Variants in LOXL2 observed in about 807,000 individuals in gnomAD.
LOXL2 encodes lysyl oxidase homolog 2.
In LOXL2, 70 loss-of-function variants were observed where a neutral mutation model predicts 93.0. That is an observed-to-expected ratio of 0.75 (90% CI 0.62 to 0.92). LOXL2 has a LOEUF of 0.92. LOXL2 is among the 40% of genes least tolerant of loss of function. LOXL2 has a pLI of 0.00. For missense variants in LOXL2, 973 were observed against 1,054.9 expected (o/e 0.92, Z 1.08); for synonymous variants, 438 against 413.2 (o/e 1.06, Z -0.73).
intron 1 of LOXL2, chr8:23,371,046 T>C (rs1804485291): frequency 6.6e-6 from 1 of 151,790 alleles, no homozygotes. Flanking sequence ...GAAAGAAAAA[T>C]CTTAAACACA....
intron 3 of LOXL2, among the ~76,000 whole-genome samples, chr8:23,348,063 A>C (rs899301821): frequency 6.6e-6 from 1 of 152,182 alleles, no homozygotes; most frequent in African/African-American, 2.4e-5. Flanking sequence ...ACACCATGGA[A>C]TACTGTGCAG....
chr8:23,345,724 C>A (rs530011725), intron 3 of LOXL2, among the ~76,000 whole-genome samples: 451 of 130,502 alleles, frequency 3.5e-3, no homozygotes, highest in African/African-American at 0.011. Context: ...AAAATATACA[C>A]ACACTTTTTT....
chr8:23,355,306 A>C (rs1804175947), intron 3 of LOXL2, among the ~76,000 whole-genome samples: 1 of 131,758 alleles, frequency 7.6e-6, no homozygotes, highest in Non-Finnish European at 1.7e-5. Context: ...TTTGAAGAGA[A>C]CCATCTCCCC....
At position 23,390,148 on chromosome 8, in the gene LOXL2, G is replaced by C. The variant is rs567697784; in HGVS notation, c.-84+13806C>G. Among the ~76,000 whole-genome samples the C allele has an allele frequency of 1.3e-4, 20 of 152,312 alleles. No individual in the cohort carries two copies. In the South Asian group the frequency reaches 4.1e-3, roughly 32 times the overall value. On this transcript the variant is annotated intron_variant, in intron 1 of 13. Transcript: ENST00000389131. Reference sequence around the variant, plus strand: ...CTGGGATTCCTGCTTGGACCAACAGGAGAGATGAATGGTCCTCATTCATGG... The same window carrying C: ...CTGGGATTCCTGCTTGGACCAACAGCAGAGATGAATGGTCCTCATTCATGG...
In LOXL2 at chr8:23,333,597, C is replaced by T. The variant is rs139417842; in HGVS notation, c.770G>A (p.Arg257His). 1.8e-4 allele frequency: 284 copies of T among 1,613,426 alleles called. 1 individual carries two copies. Among genetic ancestry groups the T allele is most frequent in the African/African-American group, 9.2e-4 (69 of 75,046 alleles). ...GCAGTCCATGGAGAATGGCCAGTAG[C>T]GCTGCTTCCTCCGTGAGGCAAACAT... is the stretch of plus-strand genomic sequence containing the variant. ...YKMFASRRKQ[R>H]YWPFSMDCTG... is the part of the protein sequence containing the mutation. The change falls in exon 5 of 14, where the codon CGC becomes CAC. Residue 257 changes from arginine (R) to histidine (H), a missense_variant. Coordinates refer to ENST00000389131, the MANE Select transcript of LOXL2 (RefSeq NM_002318.3).
In LOXL2 at chr8:23,382,105, A is replaced by G. The variant is rs183672260; in HGVS notation, c.-83-13671T>C. Among the ~76,000 whole-genome samples the G allele has an allele frequency of 5.9e-5, 9 of 152,350 alleles. No individual in the cohort carries two copies. The East Asian group carries it at 1.7e-3, about 29-fold the overall frequency. ...CAAAGGAGCTGGAATGAGCACAGGC[A>G]GAAGTTCTGAAATTATAGTTCGGTT... On this transcript the variant is annotated intron_variant, in intron 1 of 13. Coordinates refer to ENST00000389131, the MANE Select transcript of LOXL2 (RefSeq NM_002318.3).
intron 1 of LOXL2, among the ~76,000 whole-genome samples, chr8:23,378,672 C>T (rs1301552548): frequency 3.3e-5 from 5 of 152,288 alleles, no homozygotes; most frequent in East Asian, 1.9e-4. Context: ...CTTCTCTTCT[C>T]GCTTCATTTC....
intron 4 of LOXL2, among the ~76,000 whole-genome samples, chr8:23,339,170 C>T (rs370226653): frequency 1.1e-4 from 17 of 152,250 alleles, no homozygotes; most frequent in Admixed American, 5.2e-4. Context: ...GTCCCAGAGA[C>T]GAACACAAAA....
intron 9 of LOXL2, among the ~76,000 whole-genome samples, chr8:23,311,159 C>T (rs1401284397): frequency 6.6e-6 from 1 of 152,198 alleles, no homozygotes; most frequent in East Asian, 1.9e-4. Flanking sequence ...CCCTTCTCCC[C>T]CTCCCCCTCC....
At chr8:23,371,683 T>C (rs200750533) in intron 1 of LOXL2, among the ~76,000 whole-genome samples, 1 of 123,820 alleles carries the variant, frequency 8.1e-6, no homozygotes, top group Non-Finnish European at 1.6e-5. Flanking sequence ...ACCCAGGAGG[T>C]GGAGGTTGCA....
chr8:23,362,953 C>T (rs1212829604), intron 2 of LOXL2, among the ~76,000 whole-genome samples: 1 of 152,152 alleles, frequency 6.6e-6, no homozygotes, highest in Non-Finnish European at 1.5e-5. Flanking sequence ...GTTCAAGTTC[C>T]ATCTGCCACA....
intron 5 of LOXL2, among the ~76,000 whole-genome samples, chr8:23,330,690 A>G (rs1803660820): frequency 6.6e-6 from 1 of 152,102 alleles, no homozygotes; most frequent in Non-Finnish European, 1.5e-5. Flanking sequence ...AGGAATTCCA[A>G]AACAGTAGGA....
At chr8:23,342,904 C>A (rs973604912) in intron 3 of LOXL2, among the ~76,000 whole-genome samples, 1 of 152,094 alleles carries the variant, frequency 6.6e-6, no homozygotes, top group African/African-American at 2.4e-5. Flanking sequence ...GTGTACATCA[C>A]CACGCCCAGC....
chr8:23,379,841 C>A (rs947952729), intron 1 of LOXL2, among the ~76,000 whole-genome samples: 2 of 152,124 alleles, frequency 1.3e-5, no homozygotes, highest in African/African-American at 4.8e-5. Context: ...ATCTGTCAGC[C>A]CTTCCCTTTA....
intron 8 of LOXL2, among the ~76,000 whole-genome samples, chr8:23,319,483 GC>G (rs1431996780): frequency 6.6e-6 from 1 of 152,166 alleles, no homozygotes; most frequent in Non-Finnish European, 1.5e-5. Context: ...GCAAGCTAAG[GC>G]GTTTAGCGGG....
At chr8:23,326,993 G>A (rs989520328) in intron 6 of LOXL2, among the ~76,000 whole-genome samples, 1 of 152,216 alleles carries the variant, frequency 6.6e-6, no homozygotes, top group African/African-American at 2.4e-5. Flanking sequence ...TAGAAGACTT[G>A]GCTTTCAGTC....
At chr8:23,382,853 T>C (rs1358126915) in intron 1 of LOXL2, among the ~76,000 whole-genome samples, 1 of 152,170 alleles carries the variant, frequency 6.6e-6, no homozygotes, top group Non-Finnish European at 1.5e-5. Context: ...GATGCTCTTC[T>C]CTGGGGTGGA....
At chr8:23,320,454 T>G (rs1337746627) in intron 7 of LOXL2, among the ~76,000 whole-genome samples, 2 of 152,198 alleles carry the variant, frequency 1.3e-5, no homozygotes, top group African/African-American at 2.4e-5. Flanking sequence ...CCAGAGCCAC[T>G]GGCATCTTGT....
intron 10 of LOXL2, 41 bp from the exon 11 acceptor site, chr8:23,303,438 G>T: frequency 8.4e-7 from 1 of 1,184,338 alleles, no homozygotes. Context: ...AGTTTCTGGA[G>T]CAACTGCTGC....
Sources: gnomAD v4.1 joint callset for allele counts (sites outside exome capture counted in the v4.1 genomes callset) on GRCh38, gnomAD v4.1.1 for gene constraint, MANE v1.5 for transcripts, NCBI Gene and HGNC (gene_info 2026-07-23, HGNC 2026-07-21) for gene names.